The following FOCAD variants were observed in gnomAD, a reference collection of about 807,000 sequenced individuals.
FOCAD encodes KIAA1797.
Under a neutral mutation model 225.6 loss-of-function variants are expected in FOCAD, and 198 were observed. The observed-to-expected ratio is 0.88, with a 90% CI of 0.78 to 0.99. The LOEUF (loss-of-function observed/expected upper bound fraction) is 0.99, where lower values mean the gene tolerates loss of function less well. FOCAD is among the 50% of genes least tolerant of loss of function. The pLI is 0.00. For synonymous variants in FOCAD, 897 were observed against 755.0 expected, an observed-to-expected ratio of 1.19 and a Z score of -3.08; for missense variants, 2,713 against 2,123.6, an observed-to-expected ratio of 1.28 and a Z score of -5.46.
chr9:20,883,184 A>G (rs1449287966), intron 20 of FOCAD, among the ~76,000 whole-genome samples: 1 of 152,218 alleles, frequency 6.6e-6, no homozygotes, highest in Non-Finnish European at 1.5e-5. Context: ...ATTCCTGGAG[A>G]TAAAGAAGTC....
At chr9:20,662,030 G>A (rs1821742978) in intron 2 of FOCAD, among the ~76,000 whole-genome samples, 1 of 152,126 alleles carries the variant, frequency 6.6e-6, no homozygotes, top group South Asian at 2.1e-4. Context: ...TGAAAAATGG[G>A]GAATTATGAA....
chr9:20,789,083 A>G (rs1322303527), intron 10 of FOCAD, among the ~76,000 whole-genome samples: 1 of 152,068 alleles, frequency 6.6e-6, no homozygotes, highest in Non-Finnish European at 1.5e-5. Flanking sequence ...ATATTGATCC[A>G]TATATTCTGC....
chr9:20,720,370 T>G lies in FOCAD; in HGVS notation c.133-10T>G, dbSNP rs868300665. Reference sequence around the variant, plus strand: ...TCAGAATTGTCTTCTAATCACTGGTTTGGTTTCAGACTCCTGCTTTGAACT... The same window carrying G: ...TCAGAATTGTCTTCTAATCACTGGTGTGGTTTCAGACTCCTGCTTTGAACT... On this transcript the variant is annotated splice_polypyrimidine_tract_variant and intron_variant, in intron 3 of 43. Coordinates refer to ENST00000338382, the MANE Select transcript of FOCAD (RefSeq NM_001375567.1). The G allele has an allele frequency of 9.9e-6, 16 of 1,613,446 alleles. 1 individual carries two copies. The Middle Eastern group carries it at 2.3e-3, about 233-fold the overall frequency.
chr9:20,742,837 A>G (rs536402507), intron 5 of FOCAD, among the ~76,000 whole-genome samples: 1 of 152,214 alleles, frequency 6.6e-6, no homozygotes, highest in African/African-American at 2.4e-5. Context: ...TAGTTTGAGA[A>G]GCTGAGAAGA....
intron 15 of FOCAD, among the ~76,000 whole-genome samples, chr9:20,850,718 A>G (rs890745495): frequency 4.0e-5 from 6 of 151,612 alleles, no homozygotes; most frequent in South Asian, 2.1e-4. Context: ...TTAAATTGGT[A>G]TAATTGGAAA....
intron 28 of FOCAD, among the ~76,000 whole-genome samples, chr9:20,937,263 A>G (rs1451334152): frequency 6.6e-6 from 1 of 150,696 alleles, no homozygotes; most frequent in Middle Eastern, 3.2e-3. Context: ...AAGAGCCCAC[A>G]TTGCCAAGTC....
chr9:20,817,764 A>G (rs564212803), intron 11 of FOCAD, among the ~76,000 whole-genome samples: 13 of 152,012 alleles, frequency 8.6e-5, no homozygotes, highest in African/African-American at 2.7e-4. Context: ...TTATGGTTAT[A>G]CTGTATTTTG....
At chr9:20,775,440 G>A (rs1049885015) in intron 8 of FOCAD, among the ~76,000 whole-genome samples, 2 of 152,170 alleles carry the variant, frequency 1.3e-5, no homozygotes, top group East Asian at 3.9e-4. Flanking sequence ...TTTCTTCACT[G>A]TGTGTCTCAT....
chr9:20,919,329 G>A (rs905634387), intron 24 of FOCAD, among the ~76,000 whole-genome samples: 31 of 152,162 alleles, frequency 2.0e-4, no homozygotes, highest in Non-Finnish European at 3.7e-4. Context: ...ACAAACAAAT[G>A]GAAGAACATT....
At chr9:20,718,178 A>G (rs1402003561) in intron 3 of FOCAD, among the ~76,000 whole-genome samples, 1 of 152,232 alleles carries the variant, frequency 6.6e-6, no homozygotes, top group Admixed American at 6.5e-5. Flanking sequence ...GAAGATTGAT[A>G]GAGTTACCTC....
intron 6 of FOCAD, among the ~76,000 whole-genome samples, chr9:20,763,461 T>C (rs1174309204): frequency 2.0e-5 from 3 of 152,194 alleles, no homozygotes; most frequent in Admixed American, 6.6e-5. Context: ...AGCAAGACAC[T>C]GTCTCTTAAA....
chr9:20,718,173 T>C (rs1825489945), intron 3 of FOCAD, among the ~76,000 whole-genome samples: 1 of 152,128 alleles, frequency 6.6e-6, no homozygotes, highest in East Asian at 1.9e-4. Flanking sequence ...TTAGAGAAGA[T>C]TGATAGAGTT....
Position 20,770,039 on chromosome 9 carries a change from A to T in FOCAD, c.707A>T (p.Asp236Val). ...AATGACTTTTTTAAACAGGTAAAAG[A>T]TTTGATACAGACAACAGAGGCGATG... is the stretch of plus-strand genomic sequence containing the variant. ...CDIVPCLQVK[D>V]LIQTTEAMMF... The change falls in exon 8 of 44, where the codon GAT becomes GTT. Residue 236 changes from aspartate to valine, a missense_variant. By Grantham distance (152) the Asp-to-Val change is radical. Transcript: ENST00000338382. 3 of 1,613,868 alleles carry T rather than the reference A, an allele frequency of 1.9e-6. No individual in the cohort carries two copies. Among genetic ancestry groups the T allele is most frequent in the Non-Finnish European group, 2.5e-6 (3 of 1,179,804 alleles).
At chr9:20,941,280 G>T (rs1836633988) in intron 28 of FOCAD, among the ~76,000 whole-genome samples, 1 of 152,182 alleles carries the variant, frequency 6.6e-6, no homozygotes, top group Non-Finnish European at 1.5e-5. Flanking sequence ...TCTAGTGGTA[G>T]CTCATTGTGC....
intron 19 of FOCAD, among the ~76,000 whole-genome samples, chr9:20,877,413 T>C (rs1030778009): frequency 2.6e-5 from 4 of 152,210 alleles, no homozygotes; most frequent in Admixed American, 2.6e-4. Context: ...GGCAATTTAC[T>C]TGAGAAACAT....
upstream of FOCAD, among the ~76,000 whole-genome samples, chr9:20,657,830 T>A (rs1400572229): frequency 1.9e-4 from 17 of 89,430 alleles, no homozygotes; most frequent in South Asian, 8.2e-4. Flanking sequence ...AGGAACTGCG[T>A]TCCTTTGGAG....
chr9:20,810,321 A>G (rs1822922307), intron 11 of FOCAD, among the ~76,000 whole-genome samples: 1 of 152,132 alleles, frequency 6.6e-6, no homozygotes, highest in Non-Finnish European at 1.5e-5. Context: ...ATTTAATAAT[A>G]TCTAATTGTT....
At chr9:20,848,884 A>G (rs1172831394) in intron 15 of FOCAD, among the ~76,000 whole-genome samples, 1 of 151,800 alleles carries the variant, frequency 6.6e-6, no homozygotes, top group East Asian at 1.9e-4. Context: ...TATTATTTTA[A>G]TAAATCACAC....
At chr9:20,964,551 T>G (rs976853462) in intron 35 of FOCAD, among the ~76,000 whole-genome samples, 7 of 152,102 alleles carry the variant, frequency 4.6e-5, no homozygotes, top group Non-Finnish European at 1.0e-4. Flanking sequence ...ACATTTTTTT[T>G]TTTGAGATGG....
Sources: gnomAD v4.1 joint callset for allele counts (sites outside exome capture counted in the v4.1 genomes callset) on GRCh38, gnomAD v4.1.1 for gene constraint, MANE v1.5 for transcripts, NCBI Gene and HGNC (gene_info 2026-07-23, HGNC 2026-07-21) for gene names.